DNAJC1: variants seen among roughly 807,000 people sequenced by gnomAD.
DNAJC1 encodes the protein dnaJ homolog subfamily C member 1.
A neutral mutation model predicts 76.6 loss-of-function variants in DNAJC1; 58 were observed. That is an observed-to-expected ratio of 0.76 (90% confidence interval 0.61 to 0.94). The LOEUF (loss-of-function observed/expected upper bound fraction) is 0.94, where lower values mean the gene tolerates loss of function less well. Among genes scored for constraint, DNAJC1 ranks in the 40% least tolerant of loss-of-function variants. DNAJC1 has a pLI of 0.00. For synonymous variants in DNAJC1, 258 were observed against 267.9 expected (o/e 0.96, Z 0.36); for missense variants, 689 against 677.3 (o/e 1.02, Z -0.19).
intron 9 of DNAJC1, among the ~76,000 whole-genome samples, chr10:21,788,559 T>C (rs1354747822): frequency 6.6e-6 from 1 of 152,132 alleles, no homozygotes; most frequent in Non-Finnish European, 1.5e-5. Flanking sequence ...GGAGTAGTGT[T>C]ATCACTCTGC....
chr10:21,947,674 T>C (rs1248913612), intron 1 of DNAJC1, among the ~76,000 whole-genome samples: 2 of 152,184 alleles, frequency 1.3e-5, no homozygotes, highest in Non-Finnish European at 2.9e-5. Flanking sequence ...TCGGCACCCC[T>C]AACCCCTCTG....
intron 7 of DNAJC1, among the ~76,000 whole-genome samples, chr10:21,901,030 C>A (rs560614284): frequency 4.6e-5 from 7 of 152,164 alleles, no homozygotes; most frequent in African/African-American, 1.7e-4. Flanking sequence ...TCTGTCCCCC[C>A]ACTTTCTCGC....
intron 1 of DNAJC1, among the ~76,000 whole-genome samples, chr10:21,940,304 G>A (rs1044228807): frequency 5.9e-5 from 9 of 152,162 alleles, no homozygotes; most frequent in Admixed American, 5.9e-4. Flanking sequence ...AAAAGAAGTA[G>A]GGAGAGGCTT....
intron 9 of DNAJC1, among the ~76,000 whole-genome samples, chr10:21,793,449 T>G (rs1287183105): frequency 1.3e-5 from 2 of 152,342 alleles, no homozygotes; most frequent in African/African-American, 4.8e-5. Context: ...AATATTGTAC[T>G]AGATGTTTTA....
chr10:21,778,370 G>C (rs550058189), intron 9 of DNAJC1, among the ~76,000 whole-genome samples: 77 of 152,260 alleles, frequency 5.1e-4, no homozygotes, highest in African/African-American at 1.7e-3. Flanking sequence ...TTGCATTCAT[G>C]ATTTCCTTTT....
intron 9 of DNAJC1, among the ~76,000 whole-genome samples, chr10:21,767,888 G>A (rs1196266833): frequency 6.6e-6 from 1 of 152,052 alleles, no homozygotes; most frequent in Non-Finnish European, 1.5e-5. Context: ...CCAGCTATTT[G>A]GGAGGCTGAG....
chr10:21,825,410 T>C (rs998091702), intron 8 of DNAJC1, among the ~76,000 whole-genome samples: 2 of 152,364 alleles, frequency 1.3e-5, no homozygotes, highest in South Asian at 2.1e-4. Flanking sequence ...TGTATGTATA[T>C]AGCATAGTTA....
At chr10:21,788,922 C>T (rs1241721230) in intron 9 of DNAJC1, among the ~76,000 whole-genome samples, 1 of 152,116 alleles carries the variant, frequency 6.6e-6, no homozygotes, top group East Asian at 1.9e-4. Flanking sequence ...TCACAGATCC[C>T]AGCACTAAGA....
chr10:21,815,683 T>C (rs899507553), intron 8 of DNAJC1, among the ~76,000 whole-genome samples: 2 of 152,082 alleles, frequency 1.3e-5, no homozygotes, highest in African/African-American at 2.4e-5. Context: ...TTTTTTATGG[T>C]TAGTGATTAG....
At chr10:21,958,554 A>G (rs1315577909) in intron 1 of DNAJC1, among the ~76,000 whole-genome samples, 1 of 151,440 alleles carries the variant, frequency 6.6e-6, no homozygotes, top group Non-Finnish European at 1.5e-5. Flanking sequence ...CAGCCTTCTC[A>G]GTAGCTAGGA....
At chr10:21,816,513 G>A (rs533201702) in intron 8 of DNAJC1, among the ~76,000 whole-genome samples, 2 of 150,958 alleles carry the variant, frequency 1.3e-5, no homozygotes, top group South Asian at 4.2e-4. Context: ...CTCGAGACCA[G>A]CCTGGGCAGC....
chr10:21,962,908 C>A (rs1329591721), intron 1 of DNAJC1, among the ~76,000 whole-genome samples: 1 of 152,082 alleles, frequency 6.6e-6, no homozygotes, highest in African/African-American at 2.4e-5. Flanking sequence ...TCTGTAGGAA[C>A]TTATCCTCTG....
At chr10:21,883,221 GCC>G (rs1836310394) in intron 7 of DNAJC1, among the ~76,000 whole-genome samples, 1 of 149,988 alleles carries the variant, frequency 6.7e-6, no homozygotes, top group South Asian at 2.1e-4. Flanking sequence ...CTGCATTCCA[GCC>G]TGGGTGACAG....
chr10:21,829,500 G>A (rs1376988346), intron 8 of DNAJC1, among the ~76,000 whole-genome samples: 2 of 152,148 alleles, frequency 1.3e-5, no homozygotes, highest in South Asian at 2.1e-4. Context: ...ACAGGCATGA[G>A]CCAATGCGCC....
intron 9 of DNAJC1, among the ~76,000 whole-genome samples, chr10:21,802,532 T>G (rs79885077): frequency 6.6e-6 from 1 of 152,252 alleles, no homozygotes; most frequent in Non-Finnish European, 1.5e-5. Flanking sequence ...ACTTGCATAA[T>G]GGGCTACATA....
chr10:21,974,085 G>A (rs556710467), intron 1 of DNAJC1, among the ~76,000 whole-genome samples: 4 of 147,610 alleles, frequency 2.7e-5, no homozygotes, highest in African/African-American at 7.5e-5. Context: ...CTGGGCAATC[G>A]AGTGAGACCC....
chr10:21,889,183 G>A (rs1241223321), intron 7 of DNAJC1, among the ~76,000 whole-genome samples: 1 of 152,082 alleles, frequency 6.6e-6, no homozygotes, highest in Non-Finnish European at 1.5e-5. Context: ...GAGAACAGGT[G>A]TCTTACATGG....
intron 8 of DNAJC1, among the ~76,000 whole-genome samples, chr10:21,833,903 C>T (rs955957340): frequency 6.6e-5 from 10 of 152,064 alleles, no homozygotes; most frequent in African/African-American, 2.4e-4. Flanking sequence ...CAGAAATGTG[C>T]TACTAGAAAT....
chr10:21,930,422 A>G (rs1252623488), intron 1 of DNAJC1, among the ~76,000 whole-genome samples: 1 of 152,242 alleles, frequency 6.6e-6, no homozygotes, highest in African/African-American at 2.4e-5. Flanking sequence ...AAGAAGTTCA[A>G]ATGATGAAAA....
Sources: allele counts gnomAD v4.1 joint callset (sites outside exome capture counted in the v4.1 genomes callset), GRCh38; gene constraint gnomAD v4.1.1; transcripts MANE v1.5; gene names NCBI Gene and HGNC (gene_info 2026-07-23, HGNC 2026-07-21).